The following ILRUN variants were observed in gnomAD, a reference collection of about 807,000 sequenced individuals.
The protein encoded by ILRUN is inflammation and lipid regulator with UBA-like and NBR1-like domains.
A neutral mutation model predicts 33.8 loss-of-function variants in ILRUN; 3 were observed. The ratio of observed to expected loss-of-function variants is 0.09; its 90% CI spans 0.04 to 0.23. The LOEUF is 0.23. Ranked by LOEUF, ILRUN falls within the 10% of genes least tolerant of loss-of-function variation. ILRUN has a pLI of 1.00. For synonymous variants in ILRUN, 124 were observed against 138.9 expected (o/e 0.89, Z 0.75); for missense variants, 210 against 375.1 (o/e 0.56, Z 3.64).
intron 1 of ILRUN, among the ~76,000 whole-genome samples, chr6:34,685,889 A>G (rs1320659813): frequency 2.6e-5 from 4 of 152,182 alleles, no homozygotes; most frequent in Non-Finnish European, 5.9e-5. Context: ...ACCTCATACC[A>G]TACACAAAAA....
chr6:34,654,287 G>A (rs890495585), intron 2 of ILRUN, among the ~76,000 whole-genome samples: 1 of 152,134 alleles, frequency 6.6e-6, no homozygotes, highest in African/African-American at 2.4e-5. Flanking sequence ...AATTAGAGCA[G>A]AAATAAAGTG....
At chr6:34,676,442 C>CTAGCTAGCTAGCTAGCTAGA (rs377034822) in intron 1 of ILRUN, among the ~76,000 whole-genome samples, 2 of 149,748 alleles carry the variant, frequency 1.3e-5, no homozygotes, top group Admixed American at 6.6e-5. Context: ...AGCTAGCTAG[C>CTAGCTAGCTAGCTAGCTAGA]TAGATAGATA....
rs373589054 is a variant in ILRUN, at chr6:34,592,220, T to C, written c.862-1620A>G. 6.6e-6 allele frequency among the ~76,000 whole-genome samples: 1 copy of C among 152,266 alleles called. No individual in the cohort carries two copies. Among genetic ancestry groups the C allele is most frequent in the South Asian group, 2.1e-4 (1 of 4,836 alleles). ...AGGCCAATACCAATGGGGCATCCACTACGTGCCAGGTGCTGCAGTAGCACC... is the reference window on the plus strand; with the variant it reads ...AGGCCAATACCAATGGGGCATCCACCACGTGCCAGGTGCTGCAGTAGCACC... On this transcript the variant is annotated intron_variant, in intron 4 of 4. Coordinates refer to ENST00000374023, the MANE Select transcript of ILRUN (RefSeq NM_024294.4). This position sits in a 1 kb window ranked among gnomAD's most constrained non-coding sequence, Gnocchi z 4.0.
chr6:34,667,872 C>T (rs551315935), intron 1 of ILRUN, among the ~76,000 whole-genome samples: 23 of 151,978 alleles, frequency 1.5e-4, no homozygotes, highest in Middle Eastern at 6.8e-3. Flanking sequence ...ACATGATAAC[C>T]AAAGATAACA....
chr6:34,695,498 G>A (rs1157306393), intron 1 of ILRUN, among the ~76,000 whole-genome samples: 1 of 152,174 alleles, frequency 6.6e-6, no homozygotes, highest in Non-Finnish European at 1.5e-5. Flanking sequence ...ACTCCTTTAC[G>A]TCGGGTAGTC....
intron 2 of ILRUN, among the ~76,000 whole-genome samples, chr6:34,650,404 TA>T (rs1486267662): frequency 1.4e-5 from 2 of 140,954 alleles, no homozygotes; most frequent in Admixed American, 1.5e-4. Context: ...TTTATTTATT[TA>T]TTTTTATTTA....
chr6:34,680,441 A>G lies in ILRUN; in HGVS notation c.158+16005T>C, dbSNP rs912808532. ...TTTGTTTACCAGTTCTTTCTAATTT[A>G]TCTGCAATGAACATAAATCATGTCT... On this transcript the variant is annotated intron_variant, in intron 1 of 4. Coordinates refer to ENST00000374023, the MANE Select transcript of ILRUN (RefSeq NM_024294.4). Among the ~76,000 whole-genome samples the G allele has an allele frequency of 6.6e-5, 10 of 152,044 alleles. No individual in the cohort carries two copies. In the East Asian group the frequency reaches 1.2e-3, roughly 18 times the overall value.
At chr6:34,607,494 C>T (rs186218935) in intron 3 of ILRUN, among the ~76,000 whole-genome samples, 11 of 152,290 alleles carry the variant, frequency 7.2e-5, no homozygotes, top group Admixed American at 7.2e-4. Flanking sequence ...CCAAAAGACA[C>T]CAAGAATTTG....
At chr6:34,591,808 T>C (rs185592713) in intron 4 of ILRUN, among the ~76,000 whole-genome samples, 1 of 152,096 alleles carries the variant, frequency 6.6e-6, no homozygotes, top group Non-Finnish European at 1.5e-5. Flanking sequence ...TCAAGCTTTT[T>C]AAAAAAATCA....
At chr6:34,622,313 T>A (rs758967199) in intron 3 of ILRUN, among the ~76,000 whole-genome samples, 7 of 151,992 alleles carry the variant, frequency 4.6e-5, no homozygotes, top group Non-Finnish European at 1.0e-4. Context: ...TATGTACAGA[T>A]CATATATGTC....
intron 2 of ILRUN, among the ~76,000 whole-genome samples, chr6:34,651,789 CTT>C (rs11288958): frequency 0.045 from 4,566 of 102,534 alleles, 46 homozygotes; most frequent in Middle Eastern, 0.054. Flanking sequence ...TTCCAAAAAA[CTT>C]TTTTTTTTTT....
chr6:34,688,742 G>A (rs1763582041), intron 1 of ILRUN, among the ~76,000 whole-genome samples: 1 of 151,956 alleles, frequency 6.6e-6, no homozygotes, highest in Non-Finnish European at 1.5e-5. Context: ...GAATCCAGGA[G>A]GCAGAGGTTG....
chr6:34,660,107 G>A (rs918181382), intron 1 of ILRUN, among the ~76,000 whole-genome samples: 17 of 150,342 alleles, frequency 1.1e-4, no homozygotes, highest in African/African-American at 3.9e-4. Context: ...TTTGAGACTA[G>A]CCTAGGTAAC....
At chr6:34,645,087 A>G (rs958946933) in intron 3 of ILRUN, among the ~76,000 whole-genome samples, 1 of 152,334 alleles carries the variant, frequency 6.6e-6, no homozygotes, top group East Asian at 1.9e-4. Flanking sequence ...TAACATTTCT[A>G]AAGTTGCCAC....
At chr6:34,601,761 T>C (rs1761514493) in intron 4 of ILRUN, among the ~76,000 whole-genome samples, 1 of 152,066 alleles carries the variant, frequency 6.6e-6, no homozygotes, top group Non-Finnish European at 1.5e-5. Flanking sequence ...AGAACTCTTC[T>C]ATGCCTTAGT....
chr6:34,639,596 A>G (rs1303973954), intron 3 of ILRUN, among the ~76,000 whole-genome samples: 1 of 152,028 alleles, frequency 6.6e-6, no homozygotes, highest in Non-Finnish European at 1.5e-5. Flanking sequence ...CTGACACCCA[A>G]CTACCTAAGA....
intron 2 of ILRUN, among the ~76,000 whole-genome samples, chr6:34,652,243 A>G (rs190273224): frequency 3.3e-5 from 5 of 152,260 alleles, no homozygotes; most frequent in African/African-American, 1.2e-4. Flanking sequence ...TAGGCAAAGT[A>G]AAGCAAATTA....
intron 4 of ILRUN, chr6:34,595,623 A>G: frequency 3.0e-6 from 1 of 336,942 alleles, no homozygotes; most frequent in Non-Finnish European, 4.2e-6. Context: ...TAATGAAAAA[A>G]GGATGTCTCA....
chr6:34,643,248 A>T (rs577466690), intron 3 of ILRUN, among the ~76,000 whole-genome samples: 2 of 151,994 alleles, frequency 1.3e-5, no homozygotes, highest in South Asian at 2.1e-4. Context: ...GCAGTGAGCC[A>T]AGATCATGTC....
Sources: gnomAD v4.1 joint callset for allele counts (sites outside exome capture counted in the v4.1 genomes callset) on GRCh38, gnomAD v4.1.1 for gene constraint, Gnocchi (gnomAD v3.1) non-coding constraint, MANE v1.5 for transcripts, NCBI Gene and HGNC (gene_info 2026-07-23, HGNC 2026-07-21) for gene names.